ANKS3: variants seen among roughly 807,000 people sequenced by gnomAD.
ANKS3 encodes the protein ankyrin repeat and SAM domain-containing protein 3.
Under a neutral mutation model 80.7 loss-of-function variants are expected in ANKS3, and 62 were observed. That is an observed-to-expected ratio of 0.77 (90% CI 0.63 to 0.95). The LOEUF (loss-of-function observed/expected upper bound fraction) is 0.95. Among genes scored for constraint, ANKS3 ranks in the 40% least tolerant of loss-of-function variants. ANKS3 has a pLI of 0.00. For synonymous variants in ANKS3, 489 were observed against 355.3 expected (o/e 1.38, Z -4.23); for missense variants, 1,150 against 883.6 (o/e 1.30, Z -3.82).
intron 5 of ANKS3, among the ~76,000 whole-genome samples, chr16:4,726,308 T>G (rs1395732939): frequency 7.4e-6 from 1 of 135,412 alleles, no homozygotes; most frequent in East Asian, 2.4e-4. Context: ...CCTCACCTCA[T>G]CCATACAAAA....
Position 4,727,078 on chromosome 16 carries a change from C to T in ANKS3, c.270G>A (p.Glu90=), listed in dbSNP as rs144315029. The T allele has an allele frequency of 6.3e-5, 101 of 1,614,104 alleles. No individual in the cohort carries two copies. The highest frequency in any genetic ancestry group is 8.1e-5 in the Non-Finnish European group (96 of 1,180,066). ...GHDTIVHLLL[E]AGVSVNVPTP... Reference sequence around the variant, plus strand: ...TCGGCACATTCACACTCACCCCCGCCTCAAGCAGCAGGTGCACGATTGTGT... The same window carrying T: ...TCGGCACATTCACACTCACCCCCGCTTCAAGCAGCAGGTGCACGATTGTGT... Residue 90 remains glutamate, a synonymous_variant, in exon 4 of 18, where the codon GAG becomes GAA. Coordinates refer to ENST00000304283, the MANE Select transcript of ANKS3 (RefSeq NM_133450.4).
At position 4,724,740 on chromosome 16, in the gene ANKS3, G is replaced by A. The variant is rs745355940; in HGVS notation, c.573+10C>T. ...GACTACATTACATGCTAATAATCAG[G>A]GTCACTTACGTGATTCAGAAAATAC... On this transcript the variant is annotated intron_variant, in intron 6 of 17. Coordinates refer to ENST00000304283, the MANE Select transcript of ANKS3 (RefSeq NM_133450.4). 1.1e-5 allele frequency: 18 copies of A among 1,610,382 alleles called. No individual in the cohort carries two copies. Among genetic ancestry groups the A allele is most frequent in the Non-Finnish European group, 1.4e-5 (17 of 1,177,564 alleles).
At chr16:4,707,153 C>A (rs1246178810) in intron 7 of ANKS3, among the ~76,000 whole-genome samples, 4 of 152,170 alleles carry the variant, frequency 2.6e-5, no homozygotes, top group Non-Finnish European at 5.9e-5. Flanking sequence ...TGAATCTCAG[C>A]ACCCAACACA....
chr16:4,734,093 C>G lies in ANKS3; in HGVS notation c.-226G>C, dbSNP rs1226922326. The stretch of plus-strand genomic sequence containing the variant: ...GCAAGTGCAGCGCGGGACGCCCGAG[C>G]GCCGGGTCTAGGCGGGCTGCAGGTG... On this transcript the variant is annotated 5_prime_UTR_variant, in exon 1 of 18. Transcript: ENST00000304283. 2.1e-6 allele frequency: 2 copies of G among 936,428 alleles called. No homozygotes were observed. The highest frequency in any genetic ancestry group is 2.5e-6 in the Non-Finnish European group (2 of 785,416). 58.0% of individuals were successfully genotyped at this position (936,428 alleles called of 1,614,324 possible). A position where few individuals can be genotyped will look rare whatever the true frequency, so the allele number is the denominator to read the frequency against.
At chr16:4,729,079 A>G (rs2081497073) in intron 3 of ANKS3, among the ~76,000 whole-genome samples, 1 of 152,216 alleles carries the variant, frequency 6.6e-6, no homozygotes, top group Non-Finnish European at 1.5e-5. Flanking sequence ...TGTGGAACAT[A>G]AGGGGGTGGA....
At chr16:4,698,166 C>G in intron 14 of ANKS3, 104 bp from the exon 15 acceptor site, 1 of 1,350,960 alleles carries the variant, frequency 7.4e-7, no homozygotes. Context: ...CCTGTCCTTG[C>G]AGCTGGCCCT....
At chr16:4,721,183 T>C (rs1189400562) in intron 6 of ANKS3, among the ~76,000 whole-genome samples, 1 of 150,070 alleles carries the variant, frequency 6.7e-6, no homozygotes, top group Non-Finnish European at 1.5e-5. Context: ...CGGGCGCCTG[T>C]GGTCCCAGCT....
At chr16:4,708,126 T>C (rs1344017237) in intron 7 of ANKS3, among the ~76,000 whole-genome samples, 1 of 151,634 alleles carries the variant, frequency 6.6e-6, no homozygotes, top group African/African-American at 2.4e-5. Context: ...AAAAAATATA[T>C]ATATATATAG....
At chr16:4,701,272 C>T (rs2079886794) in intron 10 of ANKS3, 138 bp from the exon 11 acceptor site, 1 of 1,440,926 alleles carries the variant, frequency 6.9e-7, no homozygotes, top group African/African-American at 1.4e-5. Context: ...GGTGCGTTCG[C>T]TGTCGTCTGA....
chr16:4,719,251 G>A (rs569535219), intron 6 of ANKS3, among the ~76,000 whole-genome samples: 49 of 152,306 alleles, frequency 3.2e-4, no homozygotes, highest in African/African-American at 1.1e-3. Flanking sequence ...AGGATCCCTT[G>A]AACCTGGGAG....
intron 15 of ANKS3, 78 bp downstream of exon 15, chr16:4,697,899 G>C: frequency 7.6e-7 from 1 of 1,311,120 alleles, no homozygotes; most frequent in East Asian, 2.7e-5. Context: ...ACCAGGCCAA[G>C]CCCACTGGGT....
chr16:4,727,113 T>G lies in ANKS3; in HGVS notation c.235A>C (p.Ile79Leu), dbSNP rs370551605. Residue 79 changes from isoleucine to leucine, a missense_variant, in exon 4 of 18, where the codon ATT (isoleucine) becomes CTT (leucine). By Grantham distance (5) the Ile-to-Leu change is conservative. Transcript: ENST00000304283. ...AGGTGCACGATTGTGTCGTGGCCAA[T>G]GTAGGAGGCATACATCAGCGGGGTC... ...GWTPLMYASY[I>L]GHDTIVHLLL... is the part of the protein sequence containing the mutation. 6.2e-7 allele frequency: 1 copy of G among 1,614,096 alleles called. No homozygotes were observed. Among genetic ancestry groups the G allele is most frequent in the African/African-American group, 1.3e-5 (1 of 74,922 alleles).
At chr16:4,697,944 C>T (rs765867034) in intron 15 of ANKS3, 33 bp downstream of exon 15, 1 of 1,513,590 alleles carries the variant, frequency 6.6e-7, no homozygotes, top group Non-Finnish European at 8.8e-7. Flanking sequence ...ACCTTCCCCT[C>T]TGCCCAGTGC....
At chr16:4,732,089 G>C (rs2081647984) in intron 1 of ANKS3, among the ~76,000 whole-genome samples, 1 of 152,148 alleles carries the variant, frequency 6.6e-6, no homozygotes, top group Non-Finnish European at 1.5e-5. Flanking sequence ...CCACCAATGT[G>C]GGAGACGAAC....
intron 7 of ANKS3, among the ~76,000 whole-genome samples, chr16:4,713,452 G>GA (rs895001124): frequency 6.6e-6 from 1 of 151,848 alleles, no homozygotes; most frequent in African/African-American, 2.4e-5. Context: ...GAGTTGGGGG[G>GA]AAAAAAAGGA....
In ANKS3 at chr16:4,727,021, G is replaced by T; in HGVS notation, c.327C>A (p.Ala109=). 1 of 1,614,186 alleles carries T rather than the reference G, an allele frequency of 6.2e-7. No individual in the cohort carries two copies. The highest frequency in any genetic ancestry group is 2.2e-5 in the East Asian group (1 of 44,888). ...TPEGQTPLML[A]SSCGNESIAY... is the part of the protein sequence containing the mutation. ...CGATGCTCTCGTTGCCACAGCTGGA[G>T]GCCAGCATCAGTGGAGTCTGCCCTT... is the stretch of plus-strand genomic sequence containing the variant. Residue 109 remains alanine, a synonymous_variant, in exon 4 of 18, where the codon GCC becomes GCA. Transcript: ENST00000304283.
intron 6 of ANKS3, 196 bp from the exon 7 acceptor site, chr16:4,714,382 G>A (rs1199637879): frequency 6.6e-6 from 5 of 754,360 alleles, no homozygotes; most frequent in South Asian, 1.9e-5. Flanking sequence ...TCTCTTCTTA[G>A]GGACAAGGAT....
chr16:4,699,114 C>T lies in ANKS3; in HGVS notation c.1347G>A (p.Gln449=). Residue 449 remains glutamine, a synonymous_variant, in exon 12 of 18, where the codon CAG becomes CAA. Coordinates refer to ENST00000304283, the MANE Select transcript of ANKS3 (RefSeq NM_133450.4). ...TCAGAAAGATGCGGAGGTCCACGTC[C>T]TGCTCCTCAAACACCTGCAGGTACT... is the stretch of plus-strand genomic sequence containing the variant. The part of the protein sequence containing the change: ...CLKYLQVFEE[Q]DVDLRIFLTL... The T allele has an allele frequency of 6.2e-7, 1 of 1,614,188 alleles. No homozygotes were observed. Among genetic ancestry groups the T allele is most frequent in the Non-Finnish European group, 8.5e-7 (1 of 1,180,044 alleles).
rs1000511229 is a variant in ANKS3, at chr16:4,705,191, A to C, written c.772T>G (p.Cys258Gly). The C allele has an allele frequency of 1.2e-6, 2 of 1,613,858 alleles. No homozygotes were observed. The highest frequency in any genetic ancestry group is 1.7e-6 in the Non-Finnish European group (2 of 1,180,040). ...SCPAPQRQRPCRKKGVSIHEG... is the reference protein window; with the variant it reads ...SCPAPQRQRPGRKKGVSIHEG... Reference sequence around the variant, plus strand: ...TGGATGCTGACACCCTTCTTCCGGCAAGGCCTCTGTCTCTGAGGAGCAGGG... The same window carrying C: ...TGGATGCTGACACCCTTCTTCCGGCCAGGCCTCTGTCTCTGAGGAGCAGGG... Residue 258 changes from cysteine to glycine, a missense_variant, in exon 8 of 18, where the codon TGC (cysteine) becomes GGC (glycine). Physicochemically the swap from Cys to Gly is radical, Grantham distance 159. Transcript: ENST00000304283.
Sources: allele counts gnomAD v4.1 joint callset (sites outside exome capture counted in the v4.1 genomes callset), GRCh38; gene constraint gnomAD v4.1.1; transcripts MANE v1.5; gene names NCBI Gene and HGNC (gene_info 2026-07-23, HGNC 2026-07-21).